Variants in NHSL1 observed in about 807,000 individuals in gnomAD.
The protein encoded by NHSL1 is NHS like 1.
NHSL1 carries 48 observed loss-of-function variants against 95.0 expected under a neutral mutation model. The observed-to-expected ratio is 0.51, with a 90% CI of 0.40 to 0.64. The LOEUF (loss-of-function observed/expected upper bound fraction) is 0.64, where lower values mean the gene tolerates loss of function less well. NHSL1 is among the 30% of genes least tolerant of loss of function. The probability of loss-of-function intolerance (pLI) is 0.00; values close to 1 mark genes in which losing one functional copy is unlikely to be tolerated. For synonymous variants in NHSL1, 783 were observed against 833.9 expected (o/e 0.94, Z 1.05); for missense variants, 1,971 against 2,077.7 (o/e 0.95, Z 1.00).
chr6:138,435,149 G>T lies in NHSL1; in HGVS notation c.665-1469C>A, dbSNP rs886368260. The T allele has an allele frequency of 3.2e-5, 5 of 154,898 alleles. No individual in the cohort carries two copies. The East Asian group carries it at 9.6e-4, about 30-fold the overall frequency. The allele number at this position is 154,898 out of a possible 1,614,324, so 9.6% of individuals were successfully genotyped here. On this transcript the variant is annotated intron_variant, in intron 5 of 7. Transcript: ENST00000343505. ...CAGAAGAAAAACCCACTTTGAGGAA[G>T]TGCAAAATTTTGCCATTTAGTAATT...
intron 1 of NHSL1, among the ~76,000 whole-genome samples, chr6:138,587,647 GAAT>G (rs1361709087): frequency 6.6e-6 from 1 of 151,966 alleles, no homozygotes; most frequent in Non-Finnish European, 1.5e-5. Context: ...GTGTTTCAAA[GAAT>G]AATATTTAAA....
At chr6:138,649,377 A>G (rs762673429) in intron 1 of NHSL1, among the ~76,000 whole-genome samples, 24 of 151,968 alleles carry the variant, frequency 1.6e-4, no homozygotes, top group Non-Finnish European at 2.5e-4. Flanking sequence ...TCTTCCTTAA[A>G]TTGGACCTAT....
Position 138,424,439 on chromosome 6 carries a change from C to T in NHSL1, c.4463G>A (p.Arg1488Gln), listed in dbSNP as rs187291577. The change falls in exon 8 of 8, where the codon CGG (arginine) becomes CAG (glutamine). Residue 1488 changes from arginine to glutamine, a missense_variant. This residue lies in a region of NHSL1 where 223 missense variants were observed against 217.0 expected (regional missense o/e 1.03). Transcript: ENST00000343505. The surrounding 1 kb of genome is among the most constrained non-coding windows in gnomAD (Gnocchi z 5.9). The part of the protein sequence containing the change: ...EWAKNEGLMP[R>Q]SLSFSGPRYG... Reference sequence around the variant, plus strand: ...CCTGGGGCCGGAAAAGGACAGACTCCGAGGCATCAAGCCTTCGTTCTTGGC... The same window carrying T: ...CCTGGGGCCGGAAAAGGACAGACTCTGAGGCATCAAGCCTTCGTTCTTGGC... 78 of 1,550,626 alleles carry T rather than the reference C, an allele frequency of 5.0e-5. No homozygotes were observed. Among genetic ancestry groups the T allele is most frequent in the Non-Finnish European group, 6.7e-5 (77 of 1,146,388 alleles).
intron 1 of NHSL1, among the ~76,000 whole-genome samples, chr6:138,558,012 T>A (rs1334037016): frequency 6.6e-6 from 1 of 152,256 alleles, no homozygotes; most frequent in South Asian, 2.1e-4. Flanking sequence ...TTCTGTTATA[T>A]GGAACTACAA....
At chr6:138,573,534 G>A (rs965996808), upstream of NHSL1, among the ~76,000 whole-genome samples, 1 of 152,180 alleles carries the variant, frequency 6.6e-6, no homozygotes, top group Non-Finnish European at 1.5e-5. Flanking sequence ...ATTTTAAGAA[G>A]AAGGCTCTAC....
In NHSL1 at chr6:138,579,809, T is replaced by C. The variant is rs148808327; in HGVS notation, c.97-83438A>G. Among the ~76,000 whole-genome samples the C allele has an allele frequency of 2.0e-3, 311 of 152,374 alleles. 1 individual carries two copies. Among genetic ancestry groups the C allele is most frequent in the African/African-American group, 7.1e-3 (296 of 41,580 alleles). ...TTTCCAATCGACCTTACGTGACCTT[T>C]TAAAGCATTTATTCTATTTAACTCT... is the stretch of plus-strand genomic sequence containing the variant. On this transcript the variant is annotated intron_variant, in intron 1 of 3. Transcript: ENST00000491526.
At chr6:138,536,443 T>C (rs940242256) in intron 1 of NHSL1, among the ~76,000 whole-genome samples, 1 of 152,168 alleles carries the variant, frequency 6.6e-6, no homozygotes, top group Non-Finnish European at 1.5e-5. Flanking sequence ...GCCATCTCTA[T>C]AGGAGCAGTC....
In NHSL1 at chr6:138,436,102, AC is replaced by A. The variant is rs535610722; in HGVS notation, c.665-2423del. The stretch of plus-strand genomic sequence containing the variant: ...AATAATGAAATTAGGTCAATTAATA[AC>A]CCTACAATAGCCTCTAAGGGTTCAA... On this transcript the variant is annotated intron_variant, in intron 5 of 7. Coordinates refer to ENST00000343505, the MANE Select transcript of NHSL1 (RefSeq NM_001144060.2). 4.2e-3 allele frequency among the ~76,000 whole-genome samples: 641 copies of A among 152,192 alleles called. 1 individual carries two copies. The highest frequency in any genetic ancestry group is 0.024 in the Middle Eastern group (7 of 294).
chr6:138,439,529 A>T (rs1482530993), intron 5 of NHSL1, among the ~76,000 whole-genome samples: 2 of 152,278 alleles, frequency 1.3e-5, no homozygotes, highest in African/African-American at 4.8e-5. Context: ...CTGAAAGGAC[A>T]GAACAAATAA....
intron 1 of NHSL1, among the ~76,000 whole-genome samples, chr6:138,687,111 G>A (rs1785594561): frequency 6.6e-6 from 1 of 152,068 alleles, no homozygotes; most frequent in Admixed American, 6.6e-5. Flanking sequence ...TTTATGAGTA[G>A]TCAGACACAA....
chr6:138,488,706 T>C (rs17783916), intron 2 of NHSL1, among the ~76,000 whole-genome samples: 9,604 of 152,268 alleles, frequency 0.063, 365 homozygotes, highest in Non-Finnish European at 0.086. Flanking sequence ...CTAAATTAAC[T>C]GGCTAAAGAA....
At chr6:138,545,725 C>T, upstream of NHSL1, 1 of 1,268,916 alleles carries the variant, frequency 7.9e-7, no homozygotes, top group Non-Finnish European at 1.0e-6. Context: ...CCCACCTCCT[C>T]AGCGCTCACT....
At chr6:138,653,185 T>G (rs192077817) in intron 1 of NHSL1, among the ~76,000 whole-genome samples, 3 of 152,278 alleles carry the variant, frequency 2.0e-5, no homozygotes, top group African/African-American at 7.2e-5. Context: ...TCAAGACAAT[T>G]TGACTTTCCA....
At position 138,423,166 on chromosome 6, in the gene NHSL1, A is replaced by T. The variant is rs1191506412; in HGVS notation, c.*915T>A. Reference sequence around the variant, plus strand: ...CATAGTTCTGTAGTGCAAGTTTTCAAATTTAATTCTGAAAAATAATTTTAT... The same window carrying T: ...CATAGTTCTGTAGTGCAAGTTTTCATATTTAATTCTGAAAAATAATTTTAT... On this transcript the variant is annotated 3_prime_UTR_variant, in exon 8 of 8. Transcript: ENST00000343505. 6.6e-6 allele frequency: 1 copy of T among 152,094 alleles called. No individual in the cohort carries two copies. Among genetic ancestry groups the T allele is most frequent in the Non-Finnish European group, 1.5e-5 (1 of 68,026 alleles). The allele number at this position is 152,094 out of a possible 1,614,324, so 9.4% of individuals were successfully genotyped here.
rs1041434605 is a variant in NHSL1, at chr6:138,430,497, A to C, written c.3848T>G (p.Val1283Gly). 3.5e-5 allele frequency: 54 copies of C among 1,551,186 alleles called. No homozygotes were observed. Among genetic ancestry groups the C allele is most frequent in the Admixed American group, 5.9e-5 (3 of 50,948 alleles). Residue 1283 changes from valine to glycine, a missense_variant, in exon 6 of 8, where the codon GTT becomes GGT. Physicochemically the swap from Val to Gly is moderately radical, Grantham distance 109. Coordinates refer to ENST00000343505, the MANE Select transcript of NHSL1 (RefSeq NM_001144060.2). The surrounding 1 kb of genome is among the most constrained non-coding windows in gnomAD (Gnocchi z 4.7). The stretch of plus-strand genomic sequence containing the variant: ...GGGGGCTGGTGAGACATCAGGCTGA[A>C]CCATGGGGACATTGGCTTCCACTCT... The part of the protein sequence containing the change: ...PSRVEANVPM[V>G]QPDVSPAPKQ...
At chr6:138,623,930 G>C (rs1222703640) in intron 1 of NHSL1, among the ~76,000 whole-genome samples, 1 of 152,104 alleles carries the variant, frequency 6.6e-6, no homozygotes, top group African/African-American at 2.4e-5. Flanking sequence ...GCTTGCATTC[G>C]CTCCATCCTG....
intron 1 of NHSL1, among the ~76,000 whole-genome samples, chr6:138,518,386 ACAG>A (rs1781539462): frequency 6.7e-6 from 1 of 149,786 alleles, no homozygotes; most frequent in Non-Finnish European, 1.5e-5. Flanking sequence ...TTAAAAAATT[ACAG>A]CAGGTTTTTT....
chr6:138,449,966 G>C (rs1045044534), intron 3 of NHSL1, among the ~76,000 whole-genome samples: 2 of 152,156 alleles, frequency 1.3e-5, no homozygotes, highest in African/African-American at 4.8e-5. Context: ...TATAAACTGA[G>C]CATGTTGTTG....
chr6:138,564,725 C>T (rs1432271332), intron 1 of NHSL1, among the ~76,000 whole-genome samples: 5 of 150,940 alleles, frequency 3.3e-5, no homozygotes, highest in Non-Finnish European at 5.9e-5. Context: ...GACAAGTAAA[C>T]AAGTAAGCAT....
Sources: allele counts gnomAD v4.1 joint callset (sites outside exome capture counted in the v4.1 genomes callset), GRCh38; gene constraint gnomAD v4.1.1; regional missense constraint gnomAD v4.1.1; non-coding constraint Gnocchi (gnomAD v3.1); transcripts MANE v1.5; gene names NCBI Gene and HGNC (gene_info 2026-07-23, HGNC 2026-07-21).